DNAH6: variants seen among roughly 807,000 people sequenced by gnomAD.
The protein encoded by DNAH6 is axonemal beta dynein heavy chain 6.
In DNAH6, 340 loss-of-function variants were observed where a neutral mutation model predicts 491.4. The observed-to-expected ratio is 0.69, with a 90% CI of 0.63 to 0.76. The LOEUF (loss-of-function observed/expected upper bound fraction) is 0.76, where lower values mean the gene tolerates loss of function less well. DNAH6 is among the 30% of genes least tolerant of loss of function. The pLI, the probability that DNAH6 is intolerant of heterozygous loss-of-function variation, is 0.00. For missense variants in DNAH6, 4,443 were observed against 4,972.2 expected (o/e 0.89, Z 3.20); for synonymous variants, 1,603 against 1,686.1 (o/e 0.95, Z 1.21).
intron 1 of DNAH6, 128 bp from the exon 2 acceptor site, chr2:84,517,691 A>T: frequency 1.5e-6 from 1 of 689,316 alleles, no homozygotes; most frequent in Non-Finnish European, 2.4e-6. Flanking sequence ...GGTAACTTTG[A>T]TGGGTTTTAT....
intron 10 of DNAH6, among the ~76,000 whole-genome samples, chr2:84,556,109 G>A (rs1158241484): frequency 1.3e-5 from 2 of 152,186 alleles, no homozygotes; most frequent in Non-Finnish European, 2.9e-5. Context: ...TTGTTGATAA[G>A]CATTCCAGGA....
the DNAH6 span, among the ~76,000 whole-genome samples, chr2:84,504,734 A>T: frequency 6.6e-6 from 1 of 152,206 alleles, no homozygotes; most frequent in African/African-American, 2.4e-5. Context: ...TATTCTTATT[A>T]CATTACCACA....
At chr2:84,654,915 C>T (rs1204644334) in intron 35 of DNAH6, 133 bp downstream of exon 35, 1 of 932,740 alleles carries the variant, frequency 1.1e-6, no homozygotes, top group African/African-American at 1.7e-5. Context: ...CTAGTCCTCC[C>T]TGTGAATTCC....
At chr2:84,709,621 TG>T in intron 55 of DNAH6, 75 bp downstream of exon 55, 1 of 1,455,540 alleles carries the variant, frequency 6.9e-7, no homozygotes. Flanking sequence ...ATTATAAAAG[TG>T]GGCCTCAATG....
chr2:84,802,713 T>G (rs932903967), intron 70 of DNAH6, among the ~76,000 whole-genome samples: 6 of 152,188 alleles, frequency 3.9e-5, no homozygotes, highest in Non-Finnish European at 8.8e-5. Context: ...TAATTGGACC[T>G]AATAGACATC....
the DNAH6 span, among the ~76,000 whole-genome samples, chr2:84,473,255 T>G: frequency 5.9e-5 from 9 of 152,368 alleles, no homozygotes; most frequent in African/African-American, 1.7e-4. Context: ...CTTGTTGAAT[T>G]TGTTGTTTAG....
rs1232022633 is a variant in DNAH6 at position 84,677,121 on chromosome 2, G to C, written c.6729G>C (p.Leu2243=). ...TCCCAATGCCCTCAGAGCACAGTCT[G>C]AAACAGATTTTTCAGGTGAGTGTCG... The part of the protein sequence containing the change: ...LCLPMPSEHS[L]KQIFQAILNG... Residue 2243 remains leucine, a synonymous_variant, in exon 41 of 77, where the codon CTG becomes CTC. Transcript: ENST00000389394. 3.2e-6 allele frequency: 5 copies of C among 1,551,694 alleles called. No homozygotes were observed. The highest frequency in any genetic ancestry group is 4.4e-6 in the Non-Finnish European group (5 of 1,146,944).
intron 75 of DNAH6, among the ~76,000 whole-genome samples, chr2:84,814,775 G>T (rs1680330038): frequency 2.0e-5 from 3 of 152,188 alleles, no homozygotes; most frequent in Non-Finnish European, 1.5e-5. Flanking sequence ...TGTGCGCTGA[G>T]CCATGACAAT....
chr2:84,757,596 C>T (rs1010221701), intron 63 of DNAH6, among the ~76,000 whole-genome samples: 1 of 152,154 alleles, frequency 6.6e-6, no homozygotes, highest in Non-Finnish European at 1.5e-5. Flanking sequence ...ACTAGAATAA[C>T]TAAAATCAAA....
intron 18 of DNAH6, among the ~76,000 whole-genome samples, chr2:84,597,843 A>T (rs12471021): frequency 6.6e-6 from 1 of 152,132 alleles, no homozygotes; most frequent in Non-Finnish European, 1.5e-5. Flanking sequence ...ATGCTGGACT[A>T]GGTGAGGTGA....
At chr2:84,616,059 T>G (rs972630195) in intron 22 of DNAH6, among the ~76,000 whole-genome samples, 1 of 152,136 alleles carries the variant, frequency 6.6e-6, no homozygotes, top group African/African-American at 2.4e-5. Flanking sequence ...GTACTTGATA[T>G]AATTTTGATT....
At chr2:84,475,926 C>T in the DNAH6 span, among the ~76,000 whole-genome samples, 7 of 152,110 alleles carry the variant, frequency 4.6e-5, no homozygotes, top group Non-Finnish European at 8.8e-5. Flanking sequence ...TGGCAACATC[C>T]TCCATTACTG....
chr2:84,555,108 C>T (rs894031384), intron 10 of DNAH6, among the ~76,000 whole-genome samples: 1 of 152,090 alleles, frequency 6.6e-6, no homozygotes. Context: ...TCTATTTTTT[C>T]GCTATTATTT....
intron 72 of DNAH6, among the ~76,000 whole-genome samples, chr2:84,810,868 C>CT (rs909522992): frequency 6.6e-5 from 10 of 152,220 alleles, no homozygotes; most frequent in Non-Finnish European, 1.5e-4. Flanking sequence ...TGGCTGCCTC[C>CT]TTTGGGAGAA....
chr2:84,812,261 C>T, intron 72 of DNAH6, 80 bp from the exon 73 acceptor site: 1 of 1,333,724 alleles, frequency 7.5e-7, no homozygotes, highest in Non-Finnish European at 1.0e-6. Context: ...GCAAGGCAGC[C>T]CCTGCTGTCA....
intron 53 of DNAH6, among the ~76,000 whole-genome samples, 196 bp downstream of exon 53, chr2:84,707,215 T>G (rs1573553293): frequency 6.6e-6 from 1 of 152,224 alleles, no homozygotes; most frequent in Non-Finnish European, 1.5e-5. Context: ...TGGAGCATGT[T>G]ACGTTAAAAC....
intron 2 of DNAH6, among the ~76,000 whole-genome samples, chr2:84,520,902 A>G (rs1420277875): frequency 6.6e-6 from 1 of 152,156 alleles, no homozygotes; most frequent in Admixed American, 6.5e-5. Context: ...TGATAGATCA[A>G]TTTATATTCC....
intron 26 of DNAH6, among the ~76,000 whole-genome samples, chr2:84,622,762 A>G (rs937187669): frequency 6.6e-6 from 1 of 152,142 alleles, no homozygotes; most frequent in African/African-American, 2.4e-5. Context: ...ATTGTTTTCC[A>G]TAATGCCTGT....
the DNAH6 span, among the ~76,000 whole-genome samples, chr2:84,508,003 A>G: frequency 6.6e-6 from 1 of 152,240 alleles, no homozygotes; most frequent in African/African-American, 2.4e-5. Flanking sequence ...ATCGATGTTC[A>G]TCAGGGATAT....
Sources: gnomAD v4.1 joint callset for allele counts (sites outside exome capture counted in the v4.1 genomes callset) on GRCh38, gnomAD v4.1.1 for gene constraint, MANE v1.5 for transcripts, NCBI Gene and HGNC (gene_info 2026-07-23, HGNC 2026-07-21) for gene names.